The following LAMA2 variants were observed in gnomAD, a reference collection of about 807,000 sequenced individuals.
LAMA2 encodes the protein laminin subunit alpha-2.
LAMA2 carries 269 observed loss-of-function variants against 364.8 expected under a neutral mutation model. The observed-to-expected ratio is 0.74, with a 90% confidence interval of 0.67 to 0.82. The LOEUF (loss-of-function observed/expected upper bound fraction) is 0.82. LAMA2 is among the 40% of genes least tolerant of loss of function. The pLI is 0.00. For missense variants in LAMA2, 3,807 were observed against 3,873.2 expected (o/e 0.98, Z 0.45); for synonymous variants, 1,379 against 1,370.6 (o/e 1.01, Z -0.14).
intron 58 of LAMA2, among the ~76,000 whole-genome samples, chr6:129,493,382 G>A (rs568909549): frequency 6.6e-6 from 1 of 152,242 alleles, no homozygotes; most frequent in Admixed American, 6.5e-5. Flanking sequence ...AAAGCTACCT[G>A]TCCAATCTAT....
intron 55 of LAMA2, among the ~76,000 whole-genome samples, chr6:129,486,162 C>A (rs1275939958): frequency 2.0e-5 from 3 of 152,062 alleles, no homozygotes; most frequent in African/African-American, 7.2e-5. Context: ...TTGTTGACAC[C>A]CTTTGTCTCC....
intron 16 of LAMA2, among the ~76,000 whole-genome samples, chr6:129,268,979 T>C (rs1464869631): frequency 6.6e-6 from 1 of 152,124 alleles, no homozygotes; most frequent in Non-Finnish European, 1.5e-5. Flanking sequence ...TTCTTACTGT[T>C]CAGCTGACCC....
At chr6:129,488,184 C>T (rs1302909155) in intron 56 of LAMA2, among the ~76,000 whole-genome samples, 3 of 152,060 alleles carry the variant, frequency 2.0e-5, no homozygotes, top group Non-Finnish European at 2.9e-5. Flanking sequence ...GTGGTAGGCG[C>T]CTGTAATCAC....
intron 10 of LAMA2, 46 bp from the exon 11 acceptor site, chr6:129,190,159 A>G: frequency 6.3e-7 from 1 of 1,599,114 alleles, no homozygotes; most frequent in Non-Finnish European, 8.6e-7. Context: ...CGCAGCTCAT[A>G]ATGTTGAAGG....
At chr6:129,255,951 T>G (rs1003033792) in intron 14 of LAMA2, among the ~76,000 whole-genome samples, 5 of 152,208 alleles carry the variant, frequency 3.3e-5, no homozygotes, top group Non-Finnish European at 5.9e-5. Context: ...CTTCCCATTA[T>G]CTTTGACTAC....
intron 58 of LAMA2, among the ~76,000 whole-genome samples, chr6:129,498,480 GACCCACCAAA>G (rs1399918664): frequency 6.6e-6 from 1 of 152,150 alleles, no homozygotes; most frequent in East Asian, 1.9e-4. Context: ...AAATGCCCAA[GACCCACCAAA>G]AGAGCTTAAG....
chr6:129,464,809 G>A (rs966893226), intron 50 of LAMA2, among the ~76,000 whole-genome samples: 1 of 151,682 alleles, frequency 6.6e-6, no homozygotes, highest in African/African-American at 2.4e-5. Context: ...GTATTCTTTG[G>A]CCTCATTTTT....
rs1211835675 is a variant in LAMA2, at chr6:129,238,574, TGTGA to T, written c.1783-11536_1783-11533del. On this transcript the variant is annotated intron_variant, in intron 12 of 64. Coordinates refer to ENST00000421865, the MANE Select transcript of LAMA2 (RefSeq NM_000426.4). ...GTGTTCATGTGTGTGTGTGTGTGTG[TGTGA>T]GAGAGAGAGAGAGAGAGAGAGAGAG... Among the ~76,000 whole-genome samples, 275 of 141,156 alleles carry T rather than the reference TGTGA, an allele frequency of 1.9e-3. 1 individual carries two copies. The highest frequency in any genetic ancestry group is 4.1e-3 in the African/African-American group (152 of 37,314). The allele number at this position is 141,156 out of a possible 152,430, so 92.6% of individuals were successfully genotyped here. A position where few individuals can be genotyped will look rare whatever the true frequency, so the allele number is the denominator to read the frequency against.
chr6:129,399,798 G>A (rs1160421973), intron 37 of LAMA2, among the ~76,000 whole-genome samples: 14 of 152,108 alleles, frequency 9.2e-5, no homozygotes, highest in Non-Finnish European at 1.0e-4. Flanking sequence ...TGAAGGGAAG[G>A]AAAGAAGGGT....
intron 1 of LAMA2, among the ~76,000 whole-genome samples, chr6:128,931,624 G>GTGAA (rs1269324220): frequency 6.6e-5 from 10 of 152,128 alleles, no homozygotes; most frequent in Non-Finnish European, 1.2e-4. Context: ...ATATCAAAGG[G>GTGAA]TGAACTCTGG....
intron 1 of LAMA2, among the ~76,000 whole-genome samples, chr6:129,028,315 G>A (rs1785976158): frequency 6.9e-6 from 1 of 145,332 alleles, no homozygotes; most frequent in South Asian, 2.3e-4. Flanking sequence ...ATTAATTAAT[G>A]TATTCATTAA....
chr6:129,366,461 A>T, intron 33 of LAMA2, 100 bp downstream of exon 33: 7 of 1,304,842 alleles, frequency 5.4e-6, no homozygotes, highest in Non-Finnish European at 7.6e-6. Flanking sequence ...CACAGCCCCA[A>T]ATCAAGGGAC....
intron 47 of LAMA2, 149 bp downstream of exon 47, chr6:129,454,437 T>C: frequency 1.6e-6 from 1 of 644,526 alleles, no homozygotes; most frequent in South Asian, 2.0e-5. Context: ...TGTCTGGGAG[T>C]GGGTATGTTT....
chr6:129,425,808 C>A (rs886230227), intron 40 of LAMA2, among the ~76,000 whole-genome samples: 8 of 152,012 alleles, frequency 5.3e-5, no homozygotes, highest in Non-Finnish European at 1.2e-4. Context: ...GTATATGTAC[C>A]ACATTTTATT....
At chr6:129,433,654 T>C (rs1427493997) in intron 41 of LAMA2, among the ~76,000 whole-genome samples, 2 of 152,150 alleles carry the variant, frequency 1.3e-5, no homozygotes, top group Admixed American at 6.6e-5. Context: ...TCCATTAAAA[T>C]TTATAAAAAT....
At chr6:129,109,886 C>T (rs945966337) in intron 4 of LAMA2, among the ~76,000 whole-genome samples, 2 of 151,992 alleles carry the variant, frequency 1.3e-5, no homozygotes, top group African/African-American at 4.8e-5. Context: ...ATCCCATTGT[C>T]AGAAAAGACA....
At chr6:129,229,465 G>A (rs1010876268) in intron 12 of LAMA2, among the ~76,000 whole-genome samples, 7 of 152,098 alleles carry the variant, frequency 4.6e-5, no homozygotes, top group African/African-American at 7.2e-5. Flanking sequence ...GGAAAATATC[G>A]TAGGTCTTTG....
At chr6:128,892,870 A>G (rs1453732707) in intron 1 of LAMA2, among the ~76,000 whole-genome samples, 2 of 151,938 alleles carry the variant, frequency 1.3e-5, no homozygotes, top group African/African-American at 2.4e-5. Context: ...AAACAAAACC[A>G]AAAAACCTAC....
rs193269052 is a variant in LAMA2 at position 129,160,285 on chromosome 6, T to C, written c.1207-5291T>C. ...ATTAGACATAGGGTTAGATAGGTTT[T>C]GTATTAATATCTTTAGGGAGGGTCA... is the stretch of plus-strand genomic sequence containing the variant. On this transcript the variant is annotated intron_variant, in intron 8 of 64. Coordinates refer to ENST00000421865, the MANE Select transcript of LAMA2 (RefSeq NM_000426.4). Among the ~76,000 whole-genome samples the C allele has an allele frequency of 2.9e-3, 448 of 152,230 alleles. 1 individual carries two copies. The highest frequency in any genetic ancestry group is 4.0e-3 in the Non-Finnish European group (274 of 67,966).
Sources: allele counts gnomAD v4.1 joint callset (sites outside exome capture counted in the v4.1 genomes callset), GRCh38; gene constraint gnomAD v4.1.1; transcripts MANE v1.5; gene names NCBI Gene and HGNC (gene_info 2026-07-23, HGNC 2026-07-21).